EXOC3L2: variants seen among roughly 807,000 people sequenced by gnomAD.
EXOC3L2 encodes exocyst complex component 3 like 2.
A neutral mutation model predicts 44.4 loss-of-function variants in EXOC3L2; 17 were observed. That is an observed-to-expected ratio of 0.38 (90% CI 0.26 to 0.57). The LOEUF is 0.57. Among genes scored for constraint, EXOC3L2 ranks in the 20% least tolerant of loss-of-function variants. The probability of loss-of-function intolerance (pLI) is 0.65; values close to 1 mark genes in which losing one functional copy is unlikely to be tolerated. For synonymous variants in EXOC3L2, 256 were observed against 253.7 expected (o/e 1.01, Z -0.09); for missense variants, 541 against 588.4 (o/e 0.92, Z 0.83).
intron 8 of EXOC3L2, among the ~76,000 whole-genome samples, chr19:45,219,432 T>C (rs1969874641): frequency 6.9e-6 from 1 of 145,226 alleles, no homozygotes; most frequent in Non-Finnish European, 1.5e-5. Context: ...AGTAAGAACT[T>C]TAAGACATAT....
At chr19:45,215,236 C>T (rs1969820547) in intron 11 of EXOC3L2, among the ~76,000 whole-genome samples, 1 of 151,184 alleles carries the variant, frequency 6.6e-6, no homozygotes, top group African/African-American at 2.4e-5. Context: ...CGTGGGAAGC[C>T]GAGGCAGGCA....
chr19:45,228,306 G>T (rs56187099), intron 4 of EXOC3L2, 40 bp from the exon 5 acceptor site: 1 of 1,576,134 alleles, frequency 6.3e-7, no homozygotes, highest in Non-Finnish European at 8.7e-7. Flanking sequence ...AGTTGGGGGC[G>T]GCCTGGAGGT....
intron 8 of EXOC3L2, among the ~76,000 whole-genome samples, chr19:45,219,779 A>G (rs1969877894): frequency 6.6e-6 from 1 of 152,206 alleles, no homozygotes; most frequent in South Asian, 2.1e-4. Flanking sequence ...AACTTCTTCC[A>G]CTGGTAAATG....
At chr19:45,230,746 T>C (rs1413852475) in intron 4 of EXOC3L2, among the ~76,000 whole-genome samples, 2 of 152,174 alleles carry the variant, frequency 1.3e-5, no homozygotes, top group South Asian at 2.1e-4. Flanking sequence ...TTTCAAGAAC[T>C]CCAAAGGCTG....
chr19:45,225,272 CT>C (rs1020532502), intron 7 of EXOC3L2, among the ~76,000 whole-genome samples: 250 of 142,326 alleles, frequency 1.8e-3, no homozygotes, highest in Admixed American at 1.7e-3. Context: ...GTCTGTGGTT[CT>C]TTTTTTTTTT....
intron 4 of EXOC3L2, among the ~76,000 whole-genome samples, chr19:45,231,457 C>CAAAAAAA (rs34610401): frequency 3.3e-5 from 2 of 61,314 alleles, no homozygotes; most frequent in African/African-American, 6.4e-5. Context: ...GACCCTGCCT[C>CAAAAAAA]AAAAAAAAAA....
intron 8 of EXOC3L2, among the ~76,000 whole-genome samples, chr19:45,218,977 G>A (rs933703347): frequency 6.6e-6 from 1 of 151,982 alleles, no homozygotes; most frequent in Non-Finnish European, 1.5e-5. Flanking sequence ...AGTGGCTCAC[G>A]CCTGTAATCC....
In EXOC3L2 at chr19:45,234,044, A is replaced by G; in HGVS notation, c.1157+149T>C. 1 of 372,034 alleles carries G rather than the reference A, an allele frequency of 2.7e-6. No homozygotes were observed. Among genetic ancestry groups the G allele is most frequent in the Non-Finnish European group, 4.8e-6 (1 of 209,082 alleles). The allele number at this position is 372,034 out of a possible 1,614,324, so 23.0% of individuals were successfully genotyped here. On this transcript the variant is annotated intron_variant, in intron 3 of 11. Coordinates refer to ENST00000413988, the MANE Select transcript of EXOC3L2 (RefSeq NM_001382422.1). The surrounding 1 kb of genome is among the most constrained non-coding windows in gnomAD (Gnocchi z 5.0). ...GTGAGAGTCTAGGATTGTAACTGTC[A>G]GCGGTGCTGACGACTGGATGGGTTA...
At chr19:45,216,903 A>C (rs1482577026) in intron 10 of EXOC3L2, 1 of 150,936 alleles carries the variant, frequency 6.6e-6, no homozygotes. Context: ...AGGCCCTTCC[A>C]GCCCAGCTGA....
chr19:45,216,215 G>C, intron 10 of EXOC3L2, 21 bp from the exon 11 acceptor site: 5 of 1,612,156 alleles, frequency 3.1e-6, no homozygotes, highest in Non-Finnish European at 4.2e-6. Context: ...GGGAGGGTGC[G>C]GGGTCACACC....
intron 10 of EXOC3L2, 47 bp downstream of exon 10, chr19:45,217,481 C>T (rs1481272434): frequency 1.3e-6 from 2 of 1,517,246 alleles, no homozygotes; most frequent in Non-Finnish European, 1.7e-6. Context: ...GGAAGCCAAG[C>T]CTTGTCCTGG....
At chr19:45,232,131 T>C (rs1207630520) in intron 3 of EXOC3L2, among the ~76,000 whole-genome samples, 1 of 152,134 alleles carries the variant, frequency 6.6e-6, no homozygotes, top group Non-Finnish European at 1.5e-5. Context: ...AGATCTGACA[T>C]GCAAGGCTTC....
intron 7 of EXOC3L2, 127 bp downstream of exon 7, chr19:45,227,535 T>C: frequency 1.5e-6 from 1 of 684,226 alleles, no homozygotes; most frequent in Non-Finnish European, 2.5e-6. Context: ...CCAGATTTTA[T>C]GCGTCTAAGG....
intron 8 of EXOC3L2, among the ~76,000 whole-genome samples, chr19:45,224,110 G>C (rs1969928267): frequency 6.6e-6 from 1 of 151,640 alleles, no homozygotes; most frequent in Non-Finnish European, 1.5e-5. Context: ...GTACTTGCTG[G>C]GTTAAGAGAC....
At chr19:45,214,254 C>A (rs567226514) in intron 11 of EXOC3L2, among the ~76,000 whole-genome samples, 1 of 152,146 alleles carries the variant, frequency 6.6e-6, no homozygotes, top group Non-Finnish European at 1.5e-5. Context: ...GACCCCCACC[C>A]TCAGTGCTGA....
chr19:45,241,368 C>T (rs1335564853), intron 1 of EXOC3L2, among the ~76,000 whole-genome samples: 1 of 151,682 alleles, frequency 6.6e-6, no homozygotes. Flanking sequence ...GCCCCAGCTA[C>T]TCGGGAGGCT....
chr19:45,242,779 T>C (rs942659485), intron 1 of EXOC3L2, among the ~76,000 whole-genome samples: 3 of 149,584 alleles, frequency 2.0e-5, no homozygotes, highest in Admixed American at 1.3e-4. Flanking sequence ...GGAGAATCAC[T>C]TGAACCCAGG....
intron 1 of EXOC3L2, among the ~76,000 whole-genome samples, chr19:45,239,327 C>T (rs796473059): frequency 5.3e-5 from 8 of 149,804 alleles, no homozygotes; most frequent in African/African-American, 1.7e-4. Flanking sequence ...ACGCGATTCT[C>T]CTGCCTCAGC....
rs180710963 is a variant in EXOC3L2 at position 45,217,436 on chromosome 19, C to T, written c.1998+92G>A. The T allele has an allele frequency of 6.5e-6, 9 of 1,382,088 alleles. No individual in the cohort carries two copies. In the East Asian group the frequency reaches 2.3e-4, roughly 36 times the overall value. 85.6% of individuals were successfully genotyped at this position (1,382,088 alleles called of 1,614,324 possible). A position where few individuals can be genotyped will look rare whatever the true frequency, so the allele number is the denominator to read the frequency against. On this transcript the variant is annotated intron_variant, in intron 10 of 11. Transcript: ENST00000413988. ...TGAGAGTTTCTGTCCTGAGCTCTGC[C>T]CCTCTCCCCCTGGCTTTTGGGACCT...
Sources: gnomAD v4.1 joint callset for allele counts (sites outside exome capture counted in the v4.1 genomes callset) on GRCh38, gnomAD v4.1.1 for gene constraint, Gnocchi (gnomAD v3.1) non-coding constraint, MANE v1.5 for transcripts, NCBI Gene and HGNC (gene_info 2026-07-23, HGNC 2026-07-21) for gene names.